Variants in ARL17B observed in about 807,000 individuals in gnomAD.
The protein encoded by ARL17B is ADP-ribosylation factor-like protein 17.
intron 4 of ARL17B, among the ~76,000 whole-genome samples, chr17:46,276,599 T>C (rs1367700790): frequency 6.6e-6 from 1 of 152,186 alleles, no homozygotes; most frequent in Non-Finnish European, 1.5e-5. Flanking sequence ...CAAACAATGC[T>C]GGAGATCATA....
At chr17:46,286,204 T>C (rs1253226449) in intron 4 of ARL17B, among the ~76,000 whole-genome samples, 1 of 152,286 alleles carries the variant, frequency 6.6e-6, no homozygotes, top group Non-Finnish European at 1.5e-5. Flanking sequence ...AGTTTTAGTA[T>C]TGTGGTTTTA....
chr17:46,290,461 TAC>T (rs1250420286), intron 4 of ARL17B, among the ~76,000 whole-genome samples: 2 of 152,222 alleles, frequency 1.3e-5, no homozygotes, highest in Non-Finnish European at 2.9e-5. Flanking sequence ...TCTCTGAAGC[TAC>T]AGTTTTTTGT....
At chr17:46,283,818 G>A (rs1170973882) in intron 4 of ARL17B, among the ~76,000 whole-genome samples, 1 of 152,228 alleles carries the variant, frequency 6.6e-6, no homozygotes, top group Non-Finnish European at 1.5e-5. Context: ...CTCGGAGAGG[G>A]GGATGTGTCA....
intron 4 of ARL17B, among the ~76,000 whole-genome samples, chr17:46,284,053 G>A (rs1422130607): frequency 1.3e-5 from 2 of 152,208 alleles, no homozygotes; most frequent in African/African-American, 2.4e-5. Flanking sequence ...GTTTTATACC[G>A]AGACATTCCA....
chr17:46,287,402 T>C (rs1211338554), intron 4 of ARL17B, among the ~76,000 whole-genome samples: 1 of 152,206 alleles, frequency 6.6e-6, no homozygotes. Context: ...TAAAAATGTA[T>C]CTCACAATTT....
At chr17:46,292,267 G>A (rs1272386344) in intron 4 of ARL17B, among the ~76,000 whole-genome samples, 3 of 76,602 alleles carry the variant, frequency 3.9e-5, no homozygotes, top group African/African-American at 1.0e-4. Context: ...AGGAGGCGGA[G>A]GTTGCAGTGA....
At chr17:46,286,711 GC>G (rs2049927679) in intron 4 of ARL17B, among the ~76,000 whole-genome samples, 1 of 152,222 alleles carries the variant, frequency 6.6e-6, no homozygotes, top group South Asian at 2.1e-4. Context: ...GAAAAAATCT[GC>G]TTTTTATTTT....
intron 4 of ARL17B, among the ~76,000 whole-genome samples, chr17:46,279,159 T>C (rs1483221853): frequency 6.6e-6 from 1 of 152,084 alleles, no homozygotes; most frequent in East Asian, 1.9e-4. Flanking sequence ...ACCTAGTCCT[T>C]TGCTAATAAG....
intron 4 of ARL17B, among the ~76,000 whole-genome samples, chr17:46,283,509 G>T (rs1388229138): frequency 6.6e-6 from 1 of 152,218 alleles, no homozygotes; most frequent in Non-Finnish European, 1.5e-5. Context: ...TGCGATACAT[G>T]AAATACTTTA....
At chr17:46,334,634 C>G (rs1019536524), downstream of ARL17B, 1 of 51,904 alleles carries the variant, frequency 1.9e-5, no homozygotes, top group African/African-American at 8.9e-5. Flanking sequence ...GTTGCCCAGG[C>G]TGGTTTTCCT....
intron 4 of ARL17B, chr17:46,292,819 C>A (rs2050111221): frequency 1.3e-5 from 1 of 79,502 alleles, no homozygotes; most frequent in African/African-American, 3.2e-5. Context: ...TGCCGAAGAT[C>A]TTTCTGTCAA....
intron 3 of ARL17B, among the ~76,000 whole-genome samples, chr17:46,316,783 T>C (rs1264575607): frequency 1.0e-5 from 1 of 96,748 alleles, no homozygotes; most frequent in African/African-American, 3.5e-5. Flanking sequence ...TTTGTGTCCC[T>C]GGGTACTTGA....
chr17:46,278,408 T>TTTG (rs2049657002), intron 4 of ARL17B, among the ~76,000 whole-genome samples: 4 of 147,020 alleles, frequency 2.7e-5, no homozygotes, highest in Non-Finnish European at 5.9e-5. Flanking sequence ...TTTGTTTTTT[T>TTTG]TTTGTTGTTG....
At chr17:46,276,686 T>C (rs934058155) in intron 4 of ARL17B, among the ~76,000 whole-genome samples, 16 of 152,258 alleles carry the variant, frequency 1.1e-4, no homozygotes, top group African/African-American at 3.9e-4. Flanking sequence ...TGGCTAGTTA[T>C]GTTTCATTCT....
At chr17:46,280,734 C>G (rs568788527) in intron 4 of ARL17B, among the ~76,000 whole-genome samples, 30 of 152,200 alleles carry the variant, frequency 2.0e-4, no homozygotes, top group Admixed American at 5.2e-4. Context: ...CCACTATGCC[C>G]GCCTAAGTAT....
chr17:46,282,234 C>T (rs138719341), intron 4 of ARL17B, among the ~76,000 whole-genome samples: 17,789 of 148,266 alleles, frequency 0.12, 2 homozygotes, highest in Middle Eastern at 0.19. Flanking sequence ...TCCCGAGTAG[C>T]TGGGACTACA....
chr17:46,281,574 T>C (rs2049764206), intron 4 of ARL17B, among the ~76,000 whole-genome samples: 1 of 152,152 alleles, frequency 6.6e-6, no homozygotes, highest in African/African-American at 2.4e-5. Flanking sequence ...GGACTACAGG[T>C]GCACGCCACT....
intron 4 of ARL17B, among the ~76,000 whole-genome samples, chr17:46,283,266 A>T (rs79559587): frequency 6.6e-6 from 1 of 150,884 alleles, no homozygotes; most frequent in Admixed American, 6.6e-5. Context: ...AATAAAATAT[A>T]CACTGAGACT....
At chr17:46,291,170 C>G (rs1157332155) in intron 4 of ARL17B, among the ~76,000 whole-genome samples, 1 of 152,234 alleles carries the variant, frequency 6.6e-6, no homozygotes, top group Admixed American at 6.5e-5. Flanking sequence ...CCTTGAGTTT[C>G]ATTTCCTAGT....
Sources: allele counts gnomAD v4.1 joint callset (sites outside exome capture counted in the v4.1 genomes callset), GRCh38; gene constraint gnomAD v4.1.1; transcripts MANE v1.5; gene names NCBI Gene and HGNC (gene_info 2026-07-23, HGNC 2026-07-21).